WWOX: variants seen among roughly 807,000 people sequenced by gnomAD.
WWOX encodes the protein WW domain containing oxidoreductase.
Under a neutral mutation model 46.2 loss-of-function variants are expected in WWOX, and 69 were observed. The ratio of observed to expected loss-of-function variants is 1.49; its 90% CI spans 1.23 to 1.82. WWOX has a LOEUF of 1.82. WWOX is among the 40% of genes most tolerant of loss of function. The probability of loss-of-function intolerance (pLI) is 0.00; values close to 1 mark genes in which losing one functional copy is unlikely to be tolerated. For missense variants in WWOX, 919 were observed against 542.6 expected (o/e 1.69, Z -6.89); for synonymous variants, 359 against 202.6 (o/e 1.77, Z -6.56).
intron 8 of WWOX, chr16:78,897,266 A>AAAAAAAC (rs1555562291): frequency 7.3e-6 from 1 of 137,104 alleles, no homozygotes; most frequent in Non-Finnish European, 1.6e-5. Flanking sequence ...AAAAAAAAAA[A>AAAAAAAC]CCAAAAAAAC....
intron 8 of WWOX, among the ~76,000 whole-genome samples, chr16:78,473,742 G>C (rs184761409): frequency 6.6e-6 from 1 of 152,136 alleles, no homozygotes; most frequent in Non-Finnish European, 1.5e-5. Context: ...GTCTTTGCAA[G>C]GTAAGCTGTC....
At chr16:78,596,369 G>A (rs1024673935) in intron 8 of WWOX, among the ~76,000 whole-genome samples, 2 of 152,126 alleles carry the variant, frequency 1.3e-5, no homozygotes, top group Non-Finnish European at 2.9e-5. Flanking sequence ...AGCATGTAGT[G>A]TGGTGGGGAA....
At chr16:79,194,381 C>A (rs2051196540) in intron 8 of WWOX, among the ~76,000 whole-genome samples, 1 of 152,240 alleles carries the variant, frequency 6.6e-6, no homozygotes, top group Admixed American at 6.5e-5. Context: ...ATACCTGGAA[C>A]CCCTCTCAGT....
chr16:78,932,308 C>T (rs2045640795), intron 8 of WWOX, among the ~76,000 whole-genome samples: 1 of 152,146 alleles, frequency 6.6e-6, no homozygotes, highest in Non-Finnish European at 1.5e-5. Context: ...TTGTACTGAC[C>T]AGGCAGTGAC....
At chr16:78,855,191 T>C (rs1024041052) in intron 8 of WWOX, among the ~76,000 whole-genome samples, 4 of 152,306 alleles carry the variant, frequency 2.6e-5, no homozygotes, top group African/African-American at 9.6e-5. Context: ...AATAGATTAC[T>C]GTCTTCATTA....
At chr16:79,020,894 T>G (rs375605836) in intron 8 of WWOX, among the ~76,000 whole-genome samples, 17 of 152,136 alleles carry the variant, frequency 1.1e-4, no homozygotes, top group African/African-American at 4.1e-4. Flanking sequence ...GTTTATAGAT[T>G]TTTTTTTAAG....
At position 78,530,437 on chromosome 16, in the gene WWOX, A is replaced by G. The variant is rs138402330; in HGVS notation, c.1056+97685A>G. ...TAAGCTAAAAAGAAGACAAAGCAGG[A>G]AGGTAATTTTCCCCTGGAGCTATGC... On this transcript the variant is annotated intron_variant, in intron 8 of 8. Coordinates refer to ENST00000566780, the MANE Select transcript of WWOX (RefSeq NM_016373.4). Among the ~76,000 whole-genome samples, 875 of 152,284 alleles carry G rather than the reference A, an allele frequency of 5.7e-3. 1 individual carries two copies. The highest frequency in any genetic ancestry group is 0.017 in the Middle Eastern group (5 of 294).
chr16:78,315,073 A>G (rs1044249992), intron 5 of WWOX, among the ~76,000 whole-genome samples: 5 of 152,072 alleles, frequency 3.3e-5, no homozygotes, highest in African/African-American at 1.2e-4. Context: ...TCTATCATCT[A>G]GCTATCTATC....
At chr16:79,074,408 C>CTTTTTTTTT in intron 8 of WWOX, among the ~76,000 whole-genome samples, 1 of 63,570 alleles carries the variant, frequency 1.6e-5, no homozygotes. Context: ...TGTCACTAGT[C>CTTTTTTTTT]CTTTTTTTTT....
chr16:78,569,462 A>G (rs1194354584), intron 8 of WWOX, among the ~76,000 whole-genome samples: 1 of 152,200 alleles, frequency 6.6e-6, no homozygotes. Flanking sequence ...CAGTTGGAGA[A>G]AAGGGGGAAA....
At chr16:79,208,102 C>T (rs370789859) in intron 8 of WWOX, among the ~76,000 whole-genome samples, 1 of 152,278 alleles carries the variant, frequency 6.6e-6, no homozygotes, top group South Asian at 2.1e-4. Context: ...ATCCTTATTA[C>T]CAAGATACTC....
chr16:78,749,000 G>T (rs2049414982), intron 8 of WWOX, among the ~76,000 whole-genome samples: 1 of 152,194 alleles, frequency 6.6e-6, no homozygotes, highest in South Asian at 2.1e-4. Context: ...CGACTGCAAG[G>T]TTTATTTGTA....
At chr16:78,440,215 A>G (rs4036027) in intron 8 of WWOX, among the ~76,000 whole-genome samples, 45,269 of 151,992 alleles carry the variant, frequency 0.3, 8,234 homozygotes, top group African/African-American at 0.5. Flanking sequence ...ATTTTATAGG[A>G]TCGTTGTGAG....
chr16:78,729,666 C>G (rs769310942), intron 8 of WWOX, among the ~76,000 whole-genome samples: 1 of 152,108 alleles, frequency 6.6e-6, no homozygotes, highest in African/African-American at 2.4e-5. Flanking sequence ...TTCTGGCTTC[C>G]GGAACTGCAA....
At chr16:78,278,812 C>G in intron 5 of WWOX, 1 of 713,642 alleles carries the variant, frequency 1.4e-6, no homozygotes, top group Non-Finnish European at 2.3e-6. Flanking sequence ...TTAATTTATA[C>G]CTTTATCAGT....
chr16:78,714,170 A>G (rs1049294629), intron 8 of WWOX, among the ~76,000 whole-genome samples: 12 of 152,290 alleles, frequency 7.9e-5, no homozygotes, highest in East Asian at 3.9e-4. Flanking sequence ...TTTCTTCAAC[A>G]TATATGTCCT....
chr16:79,210,466 G>C (rs190246311), intron 8 of WWOX, among the ~76,000 whole-genome samples: 1 of 152,214 alleles, frequency 6.6e-6, no homozygotes, highest in Admixed American at 6.5e-5. Context: ...GCTTTGGGTC[G>C]GGTCGGAAAG....
At chr16:78,918,297 A>G (rs1366406975) in intron 8 of WWOX, among the ~76,000 whole-genome samples, 1 of 152,202 alleles carries the variant, frequency 6.6e-6, no homozygotes, top group Non-Finnish European at 1.5e-5. Flanking sequence ...TGATATTTGT[A>G]CTTCTAAGAG....
intron 8 of WWOX, among the ~76,000 whole-genome samples, chr16:78,859,028 ATATATATATATATATATATATGT>A (rs1567608580): frequency 1.2e-4 from 2 of 17,038 alleles, no homozygotes; most frequent in African/African-American, 4.3e-4. Context: ...AAAAAAAAAA[ATATATATATATATATATATATGT>A]ATATATATAT....
Sources: allele counts gnomAD v4.1 joint callset (sites outside exome capture counted in the v4.1 genomes callset), GRCh38; gene constraint gnomAD v4.1.1; transcripts MANE v1.5; gene names NCBI Gene and HGNC (gene_info 2026-07-23, HGNC 2026-07-21).